Variants in CNTRL observed in about 807,000 individuals in gnomAD.
CNTRL encodes the protein 110 kDa centrosomal protein.
A neutral mutation model predicts 303.7 loss-of-function variants in CNTRL; 233 were observed. That is an observed-to-expected ratio of 0.77 (90% CI 0.69 to 0.86). The LOEUF is 0.86. CNTRL is among the 40% of genes least tolerant of loss of function. The probability of loss-of-function intolerance (pLI) is 0.00; values close to 1 mark genes in which losing one functional copy is unlikely to be tolerated. For synonymous variants in CNTRL, 900 were observed against 922.2 expected, an observed-to-expected ratio of 0.98 and a Z score of 0.44; for missense variants, 2,524 against 2,650.6, an observed-to-expected ratio of 0.95 and a Z score of 1.05.
chr9:121,101,740 A>T (rs900913195), intron 7 of CNTRL, among the ~76,000 whole-genome samples: 1 of 152,254 alleles, frequency 6.6e-6, no homozygotes, highest in Non-Finnish European at 1.5e-5. Context: ...TCCCACAGAG[A>T]TACAAACTAT....
At chr9:121,123,224 T>C (rs1466827749) in intron 12 of CNTRL, among the ~76,000 whole-genome samples, 1 of 152,156 alleles carries the variant, frequency 6.6e-6, no homozygotes, top group South Asian at 2.1e-4. Context: ...TGGGATATAG[T>C]TTTTAAGTCT....
chr9:121,143,821 G>A lies in CNTRL; in HGVS notation c.2872-82G>A, dbSNP rs551520221. The A allele has an allele frequency of 5.5e-6, 6 of 1,092,236 alleles. No individual in the cohort carries two copies. The African/African-American group carries it at 9.6e-5, about 17-fold the overall frequency. The allele number at this position is 1,092,236 out of a possible 1,614,324, so 67.7% of individuals were successfully genotyped here. ...ATTGTTCTAGGCAGCAGTGAACAGAGTCCCTACCCTCCTGGAGCTTACATC... is the reference window on the plus strand; with the variant it reads ...ATTGTTCTAGGCAGCAGTGAACAGAATCCCTACCCTCCTGGAGCTTACATC... On this transcript the variant is annotated intron_variant, in intron 19 of 43. Coordinates refer to ENST00000373855, the MANE Select transcript of CNTRL (RefSeq NM_007018.6).
chr9:121,148,828 A>G lies in CNTRL; in HGVS notation c.3616A>G (p.Arg1206Gly), dbSNP rs764730114. ...ASGYWVYSPIRSGLHKLFPSR... is the reference protein window; with the variant it reads ...ASGYWVYSPIGSGLHKLFPSR... ...AGGATACTGGGTTTATTCTCCCATCAGGAGTGGGTTACATAAACTGTTTCC... is the reference window on the plus strand; with the variant it reads ...AGGATACTGGGTTTATTCTCCCATCGGGAGTGGGTTACATAAACTGTTTCC... Residue 1206 changes from arginine (R) to glycine (G), a missense_variant, in exon 24 of 44, where the codon AGG becomes GGG. Transcript: ENST00000373855. 1.2e-6 allele frequency: 2 copies of G among 1,613,732 alleles called. No homozygotes were observed. The highest frequency in any genetic ancestry group is 1.7e-6 in the Non-Finnish European group (2 of 1,179,970).
In CNTRL at chr9:121,142,152, A is replaced by G; in HGVS notation, c.2753A>G (p.Tyr918Cys). ...RIQQMENEIH[Y>C]LQENLKSMEE... is the part of the protein sequence containing the mutation. ...CAGCAAATGGAGAATGAAATTCACT[A>G]TTTGCAAGAAAATCTAAAAAGTATG... Residue 918 changes from tyrosine (Y) to cysteine (C), a missense_variant, in exon 19 of 44, where the codon TAT (tyrosine) becomes TGT (cysteine). Coordinates refer to ENST00000373855, the MANE Select transcript of CNTRL (RefSeq NM_007018.6). The G allele has an allele frequency of 1.2e-6, 2 of 1,611,744 alleles. No homozygotes were observed. The highest frequency in any genetic ancestry group is 1.7e-6 in the Non-Finnish European group (2 of 1,179,042).
At chr9:121,096,366 A>T (rs554348324) in intron 5 of CNTRL, 56 bp from the exon 6 acceptor site, 1 of 1,110,942 alleles carries the variant, frequency 9.0e-7, no homozygotes, top group Non-Finnish European at 1.2e-6. Context: ...TAAAAATACA[A>T]TGGAGAGACT....
chr9:121,086,541 C>CA (rs1399129429), intron 2 of CNTRL, among the ~76,000 whole-genome samples: 3 of 151,536 alleles, frequency 2.0e-5, no homozygotes, highest in Non-Finnish European at 2.9e-5. Flanking sequence ...GAACGAATGA[C>CA]AGAGGTGAAT....
chr9:121,090,007 TTACAA>T (rs1226858441), intron 3 of CNTRL, among the ~76,000 whole-genome samples: 1 of 152,098 alleles, frequency 6.6e-6, no homozygotes, highest in Non-Finnish European at 1.5e-5. Flanking sequence ...CGTTATAGTA[TTACAA>T]TACATTAATT....
At chr9:121,154,174 G>A (rs1279408210) in intron 26 of CNTRL, among the ~76,000 whole-genome samples, 1 of 152,166 alleles carries the variant, frequency 6.6e-6, no homozygotes, top group Admixed American at 6.5e-5. Context: ...TTTCTGTCAT[G>A]CAGTCATACA....
Position 121,118,417 on chromosome 9 carries a change from C to A in CNTRL, c.1527C>A (p.Arg509=). 1 of 1,612,022 alleles carries A rather than the reference C, an allele frequency of 6.2e-7. No individual in the cohort carries two copies. The highest frequency in any genetic ancestry group is 8.5e-7 in the Non-Finnish European group (1 of 1,178,780). Residue 509 remains arginine (R), a synonymous_variant, in exon 12 of 44, where the codon CGC becomes CGA. Coordinates refer to ENST00000373855, the MANE Select transcript of CNTRL (RefSeq NM_007018.6). ...SGRLQLVNKL[R]QEALDLELQM... ...GACTACAACTTGTAAATAAATTACG[C>A]CAGGAAGCTCTGGATCTAGAACTGC...
At position 121,148,862 on chromosome 9, in the gene CNTRL, G is replaced by C. The variant is rs2052035428; in HGVS notation, c.3649+1G>C. 1 of 1,610,644 alleles carries C rather than the reference G, an allele frequency of 6.2e-7. No homozygotes were observed. Among genetic ancestry groups the C allele is most frequent in the African/African-American group, 1.3e-5 (1 of 74,816 alleles). ...TTACATAAACTGTTTCCAAGTAGAG[G>C]TAAGTCAAATCACATAGGAAAGTTG... is the stretch of plus-strand genomic sequence containing the variant. On this transcript the variant is annotated splice_donor_variant, in intron 24 of 43. Transcript: ENST00000373855. LOFTEE classifies it high-confidence loss of function.
intron 11 of CNTRL, among the ~76,000 whole-genome samples, chr9:121,116,373 A>T (rs940444490): frequency 2.0e-5 from 3 of 151,758 alleles, no homozygotes; most frequent in African/African-American, 7.3e-5. Context: ...GCATTTTTTT[A>T]TTTTTTATTT....
rs1458215601 is a variant in CNTRL, at chr9:121,175,101, G to A, written c.6831G>A (p.Leu2277=). 2.5e-6 allele frequency: 4 copies of A among 1,613,920 alleles called. No homozygotes were observed. In the Admixed American group the frequency reaches 6.7e-5, roughly 27 times the overall value. The change falls in exon 43 of 44, where the codon TTG becomes TTA. Residue 2277 remains leucine (L), a synonymous_variant. Transcript: ENST00000373855. ...AGACAGAGGGCACTTTACACAGTTT[G>A]AGGAGACAAGTAGATGCTTTAGGGG... ...KRQTEGTLHS[L]RRQVDALGEL... is the part of the protein sequence containing the mutation.
At chr9:121,089,589 G>C (rs1219519183) in intron 3 of CNTRL, among the ~76,000 whole-genome samples, 1 of 152,096 alleles carries the variant, frequency 6.6e-6, no homozygotes, top group Non-Finnish European at 1.5e-5. Context: ...AACAAATTTA[G>C]AGTTTCTTAC....
intron 14 of CNTRL, among the ~76,000 whole-genome samples, chr9:121,134,648 A>ATGTG (rs371054388): frequency 6.6e-6 from 1 of 151,914 alleles, no homozygotes; most frequent in African/African-American, 2.4e-5. Flanking sequence ...TGTCCCAAGA[A>ATGTG]TGTGTGTGTG....
chr9:121,086,929 A>G (rs1385704084), intron 2 of CNTRL, among the ~76,000 whole-genome samples: 1 of 152,182 alleles, frequency 6.6e-6, no homozygotes, highest in East Asian at 1.9e-4. Context: ...CGGGGATTAT[A>G]GGCATGAGCC....
At chr9:121,102,976 A>G (rs1301531020) in intron 7 of CNTRL, among the ~76,000 whole-genome samples, 1 of 152,212 alleles carries the variant, frequency 6.6e-6, no homozygotes, top group Non-Finnish European at 1.5e-5. Flanking sequence ...ATACTGCCCA[A>G]GGTAATTTAT....
intron 27 of CNTRL, 130 bp downstream of exon 27, chr9:121,155,043 C>A: frequency 1.3e-6 from 1 of 763,462 alleles, no homozygotes; most frequent in Non-Finnish European, 2.3e-6. Context: ...AGGTTCCAGG[C>A]TGGACTCTGC....
intron 7 of CNTRL, among the ~76,000 whole-genome samples, chr9:121,103,150 A>G (rs917686110): frequency 1.3e-5 from 2 of 152,236 alleles, no homozygotes; most frequent in East Asian, 1.9e-4. Flanking sequence ...TTCAAACTAT[A>G]CTACAAGGCT....
At chr9:121,123,555 T>G (rs1006829857) in intron 12 of CNTRL, among the ~76,000 whole-genome samples, 2 of 152,176 alleles carry the variant, frequency 1.3e-5, no homozygotes, top group African/African-American at 4.8e-5. Flanking sequence ...GCTGAGATCG[T>G]GCCTCTGCAC....
Sources: allele counts gnomAD v4.1 joint callset (sites outside exome capture counted in the v4.1 genomes callset), GRCh38; gene constraint gnomAD v4.1.1; transcripts MANE v1.5; gene names NCBI Gene and HGNC (gene_info 2026-07-23, HGNC 2026-07-21).